EHD1: variants seen among roughly 807,000 people sequenced by gnomAD.
The protein encoded by EHD1 is EH domain-containing protein 1.
In EHD1, 19 loss-of-function variants were observed where a neutral mutation model predicts 39.0. The observed-to-expected ratio is 0.49, with a 90% confidence interval of 0.34 to 0.72. EHD1 has a LOEUF of 0.72. EHD1 is among the 30% of genes least tolerant of loss of function. The probability of loss-of-function intolerance (pLI) is 0.01; values close to 1 mark genes in which losing one functional copy is unlikely to be tolerated. For synonymous variants in EHD1, 323 were observed against 331.2 expected, an observed-to-expected ratio of 0.98 and a Z score of 0.27; for missense variants, 542 against 751.5, an observed-to-expected ratio of 0.72 and a Z score of 3.26.
chr11:64,873,737 C>T (rs547955615), intron 2 of EHD1, among the ~76,000 whole-genome samples: 2 of 151,400 alleles, frequency 1.3e-5, no homozygotes, highest in African/African-American at 2.4e-5. Context: ...AGTGCAGTGG[C>T]GCGATCTCGG....
intron 2 of EHD1, among the ~76,000 whole-genome samples, chr11:64,865,341 A>G (rs1592749668): frequency 6.6e-6 from 1 of 152,272 alleles, no homozygotes; most frequent in Non-Finnish European, 1.5e-5. Context: ...CAGCGGTAAC[A>G]CTGAGCCACT....
rs148226867 is a variant in EHD1, at chr11:64,868,466, T to A, written c.502+5955A>T. Among the ~76,000 whole-genome samples, 57 of 152,230 alleles carry A rather than the reference T, an allele frequency of 3.7e-4. No homozygotes were observed. In the East Asian group the frequency reaches 0.01, roughly 28 times the overall value. ...TGAATGGATGACAACGGATGGTGCATCCCTATGATGGGACAAGGACCCCCA... is the reference window on the plus strand; with the variant it reads ...TGAATGGATGACAACGGATGGTGCAACCCTATGATGGGACAAGGACCCCCA... On this transcript the variant is annotated intron_variant, in intron 2 of 4. Coordinates refer to ENST00000320631, the MANE Select transcript of EHD1 (RefSeq NM_006795.4). The surrounding 1 kb of genome is among the most constrained non-coding windows in gnomAD (Gnocchi z 4.2).
At chr11:64,879,415 G>A (rs556928425), upstream of EHD1, among the ~76,000 whole-genome samples, 1 of 152,312 alleles carries the variant, frequency 6.6e-6, no homozygotes, top group South Asian at 2.1e-4. Flanking sequence ...GGAGGAAGTT[G>A]AGGCTCTCTG....
intron 2 of EHD1, among the ~76,000 whole-genome samples, chr11:64,862,490 A>G (rs1253616863): frequency 6.6e-6 from 1 of 152,226 alleles, no homozygotes; most frequent in East Asian, 1.9e-4. Flanking sequence ...GAGGAGCTGG[A>G]GGAAGCACCT....
rs1943602289 is a variant in EHD1 at position 64,853,225 on chromosome 11, G to A, written c.*1108C>T. The stretch of plus-strand genomic sequence containing the variant: ...TTTGCTAAACAGAGGAGGAAGGAAG[G>A]TAGGAAATGAAGGGGGATTACAGAA... On this transcript the variant is annotated 3_prime_UTR_variant, in exon 5 of 5. Transcript: ENST00000320631. The A allele has an allele frequency of 6.6e-6, 1 of 152,352 alleles. No individual in the cohort carries two copies. The highest frequency in any genetic ancestry group is 6.5e-5 in the Admixed American group (1 of 15,288). 9.4% of individuals were successfully genotyped at this position (152,352 alleles called of 1,614,324 possible). A position where few individuals can be genotyped will look rare whatever the true frequency, so the allele number is the denominator to read the frequency against.
intron 2 of EHD1, among the ~76,000 whole-genome samples, chr11:64,870,916 C>A (rs1943822157): frequency 6.6e-6 from 1 of 152,174 alleles, no homozygotes; most frequent in South Asian, 2.1e-4. Context: ...GCAAAGGCAG[C>A]CCAAGAGACC....
intron 2 of EHD1, among the ~76,000 whole-genome samples, chr11:64,865,860 G>A (rs573723814): frequency 6.6e-6 from 1 of 152,312 alleles, no homozygotes; most frequent in South Asian, 2.1e-4. Context: ...AAAAATAACA[G>A]ATGCTGGTGA....
Position 64,852,763 on chromosome 11 carries a change from G to A in EHD1, c.*1570C>T, listed in dbSNP as rs966691492. The A allele has an allele frequency of 6.6e-6, 1 of 152,606 alleles. No individual in the cohort carries two copies. The highest frequency in any genetic ancestry group is 2.4e-5 in the African/African-American group (1 of 41,470). 9.5% of individuals were successfully genotyped at this position (152,606 alleles called of 1,614,324 possible). ...CAGTTCAGACTTTTTAATGCAAGGA[G>A]AAAGTCTTCACTTCTCTTCCCACAG... is the stretch of plus-strand genomic sequence containing the variant. On this transcript the variant is annotated 3_prime_UTR_variant, in exon 5 of 5. Transcript: ENST00000320631.
chr11:64,855,499 G>C lies in EHD1; in HGVS notation c.916-13C>G. ...TGTAGGCGTGAACCTGTGAGGACGG[G>C]GTGAGCATCAGGCGCTCTCTTGGCC... On this transcript the variant is annotated splice_polypyrimidine_tract_variant and intron_variant, in intron 3 of 4. Transcript: ENST00000320631. 2.5e-6 allele frequency: 4 copies of C among 1,613,432 alleles called. No individual in the cohort carries two copies. Among genetic ancestry groups the C allele is most frequent in the Non-Finnish European group, 3.4e-6 (4 of 1,179,952 alleles).
Position 64,861,607 on chromosome 11 carries a change from A to G in EHD1, c.503-1271T>C, listed in dbSNP as rs1247430725. On this transcript the variant is annotated intron_variant, in intron 2 of 4. Coordinates refer to ENST00000320631, the MANE Select transcript of EHD1 (RefSeq NM_006795.4). ...ACAGCTCAGGGATCAAACCTGGCCC[A>G]CCACCTGTTTGTATAAATAAAGTTT... is the stretch of plus-strand genomic sequence containing the variant. Among the ~76,000 whole-genome samples, 4 of 146,666 alleles carry G rather than the reference A, an allele frequency of 2.7e-5. No homozygotes were observed. The East Asian group carries it at 7.7e-4, about 28-fold the overall frequency.
At chr11:64,879,570 T>A (rs1943931078), upstream of EHD1, 1 of 1,550,436 alleles carries the variant, frequency 6.4e-7, no homozygotes, top group African/African-American at 1.4e-5. Flanking sequence ...GTCACCACCA[T>A]TTACCATCAT....
intron 2 of EHD1, among the ~76,000 whole-genome samples, chr11:64,867,914 G>A (rs1175377849): frequency 2.6e-5 from 4 of 152,316 alleles, no homozygotes; most frequent in East Asian, 3.9e-4. Context: ...CTCTCATGGC[G>A]ACCCGCGTCC....
rs1185389620 is a variant in EHD1 at position 64,855,493 on chromosome 11, G to A, written c.916-7C>T. On this transcript the variant is annotated splice_polypyrimidine_tract_variant and splice_region_variant and intron_variant, in intron 3 of 4. Coordinates refer to ENST00000320631, the MANE Select transcript of EHD1 (RefSeq NM_006795.4). ...TGATGATGTAGGCGTGAACCTGTGA[G>A]GACGGGGTGAGCATCAGGCGCTCTC... is the stretch of plus-strand genomic sequence containing the variant. 2 of 1,613,670 alleles carry A rather than the reference G, an allele frequency of 1.2e-6. No homozygotes were observed. The highest frequency in any genetic ancestry group is 2.2e-5 in the East Asian group (1 of 44,884).
At chr11:64,870,592 G>A (rs192305808) in intron 2 of EHD1, among the ~76,000 whole-genome samples, 129 of 152,310 alleles carry the variant, frequency 8.5e-4, no homozygotes, top group Admixed American at 2.1e-3. Context: ...AGCTTTCATG[G>A]GGAGATTGAG....
At chr11:64,871,064 G>A (rs1943823905) in intron 2 of EHD1, among the ~76,000 whole-genome samples, 1 of 152,164 alleles carries the variant, frequency 6.6e-6, no homozygotes, top group African/African-American at 2.4e-5. Flanking sequence ...TTAGGACCAT[G>A]GGGAAAGGGG....
chr11:64,854,613 C>G lies in EHD1; in HGVS notation c.1325G>C (p.Gly442Ala), dbSNP rs1465592519. ...CTCGTCGTAGGTGGGCTTGTCCTTG[C>G]CCACCACCCACTCCACGTCGTCGAT... Reference protein sequence around the residue: ...EGIDDVEWVVGKDKPTYDEIF... With the variant: ...EGIDDVEWVVAKDKPTYDEIF... The change falls in exon 5 of 5, where the codon GGC (glycine) becomes GCC (alanine). Residue 442 changes from glycine to alanine, a missense_variant. Coordinates refer to ENST00000320631, the MANE Select transcript of EHD1 (RefSeq NM_006795.4). The G allele has an allele frequency of 1.9e-6, 3 of 1,613,898 alleles. No individual in the cohort carries two copies. The highest frequency in any genetic ancestry group is 2.5e-6 in the Non-Finnish European group (3 of 1,179,970).
chr11:64,878,773 C>T (rs963658616), upstream of EHD1: 40 of 1,266,120 alleles, frequency 3.2e-5, no homozygotes, highest in Non-Finnish European at 3.3e-5. Flanking sequence ...TCCCCTACCC[C>T]GCCCCCATTG....
At position 64,878,590 on chromosome 11, in the gene EHD1, A is replaced by G. The variant is rs557865642; in HGVS notation, c.-126T>C. The G allele has an allele frequency of 1.1e-4, 161 of 1,428,042 alleles. No individual in the cohort carries two copies. The African/African-American group carries it at 2.1e-3, about 19-fold the overall frequency. 88.5% of individuals were successfully genotyped at this position (1,428,042 alleles called of 1,614,324 possible). On this transcript the variant is annotated 5_prime_UTR_variant, in exon 1 of 5. Transcript: ENST00000320631. Reference sequence around the variant, plus strand: ...AGCGACCCACACTGCGCAGGCGCACAGCCCAGCCCGTCGAAGCGCCCTCTG... The same window carrying G: ...AGCGACCCACACTGCGCAGGCGCACGGCCCAGCCCGTCGAAGCGCCCTCTG...
intron 3 of EHD1, among the ~76,000 whole-genome samples, chr11:64,857,237 C>A (rs1472699958): frequency 4.6e-5 from 7 of 152,136 alleles, no homozygotes; most frequent in Non-Finnish European, 7.4e-5. Context: ...CCAGCCTGAT[C>A]AACATGGTGA....
Sources: allele counts gnomAD v4.1 joint callset (sites outside exome capture counted in the v4.1 genomes callset), GRCh38; gene constraint gnomAD v4.1.1; non-coding constraint Gnocchi (gnomAD v3.1); transcripts MANE v1.5; gene names NCBI Gene and HGNC (gene_info 2026-07-23, HGNC 2026-07-21).